NFASC: variants seen among roughly 807,000 people sequenced by gnomAD.
NFASC encodes neurofascin, also known as neurofascin homolog.
A neutral mutation model predicts 147.5 loss-of-function variants in NFASC; 43 were observed. The observed-to-expected ratio is 0.29, with a 90% CI of 0.23 to 0.38. The LOEUF (loss-of-function observed/expected upper bound fraction) is 0.38. NFASC is among the 10% of genes least tolerant of loss of function. NFASC has a pLI of 1.00. For synonymous variants in NFASC, 622 were observed against 665.5 expected (o/e 0.93, Z 1.01); for missense variants, 1,320 against 1,689.0 (o/e 0.78, Z 3.83).
intron 1 of NFASC, among the ~76,000 whole-genome samples, chr1:204,871,235 C>T (rs2077629294): frequency 6.6e-6 from 1 of 152,146 alleles, no homozygotes; most frequent in Admixed American, 6.5e-5. Flanking sequence ...TCTTCCCGGC[C>T]CAGGGAGTGG....
At chr1:204,922,297 G>A (rs1041499824) in intron 2 of NFASC, among the ~76,000 whole-genome samples, 30 of 152,072 alleles carry the variant, frequency 2.0e-4, no homozygotes, top group Non-Finnish European at 3.5e-4. Flanking sequence ...AACCCCGGGG[G>A]CTGGCTTCTC....
intron 1 of NFASC, among the ~76,000 whole-genome samples, chr1:204,900,853 TC>T (rs2084413974): frequency 6.6e-6 from 1 of 152,130 alleles, no homozygotes; most frequent in Non-Finnish European, 1.5e-5. Flanking sequence ...GTTTTTTTTT[TC>T]AAAGTGGAAA....
intron 1 of NFASC, among the ~76,000 whole-genome samples, chr1:204,842,673 T>G (rs1486543003): frequency 6.6e-6 from 1 of 152,238 alleles, no homozygotes; most frequent in East Asian, 1.9e-4. Context: ...ATCTTTTTAT[T>G]CCCACTGACC....
At chr1:204,955,049 T>G in intron 7 of NFASC, 98 bp downstream of exon 7, 1 of 1,468,178 alleles carries the variant, frequency 6.8e-7, no homozygotes, top group Non-Finnish European at 9.3e-7. Flanking sequence ...TAGAAGGCCT[T>G]GATTTGTGAG....
intron 1 of NFASC, among the ~76,000 whole-genome samples, chr1:204,878,534 T>G (rs1327530352): frequency 6.6e-6 from 1 of 152,250 alleles, no homozygotes; most frequent in Non-Finnish European, 1.5e-5. Flanking sequence ...CCTTGGGCTT[T>G]CTTGCCCTAG....
At chr1:204,912,940 G>A (rs763763275) in intron 1 of NFASC, among the ~76,000 whole-genome samples, 1 of 151,964 alleles carries the variant, frequency 6.6e-6, no homozygotes, top group Non-Finnish European at 1.5e-5. Context: ...AGATGGAAGG[G>A]TCACTTGAGC....
At chr1:204,947,258 C>G (rs2093807952) in intron 3 of NFASC, 1 of 186,126 alleles carries the variant, frequency 5.4e-6, no homozygotes, top group Non-Finnish European at 1.1e-5. Flanking sequence ...CAGAGAGGCC[C>G]CCGGCTGCCC....
chr1:204,936,825 CCTT>C (rs2092892720), intron 2 of NFASC, among the ~76,000 whole-genome samples: 1 of 152,252 alleles, frequency 6.6e-6, no homozygotes, highest in Admixed American at 6.5e-5. Context: ...GCTTCAGGCT[CCTT>C]CTTTTGGCCT....
intron 1 of NFASC, among the ~76,000 whole-genome samples, chr1:204,854,462 G>A (rs965361879): frequency 1.3e-5 from 2 of 152,104 alleles, no homozygotes; most frequent in Admixed American, 1.3e-4. Context: ...CCCAGCAGAT[G>A]CTGCAGTTTG....
intron 2 of NFASC, among the ~76,000 whole-genome samples, chr1:204,937,635 C>T (rs868249278): frequency 1.3e-5 from 2 of 152,244 alleles, no homozygotes; most frequent in African/African-American, 4.8e-5. Context: ...TAGCTCACTT[C>T]TTTTGGGCAC....
intron 19 of NFASC, among the ~76,000 whole-genome samples, chr1:204,980,037 T>A (rs2095481756): frequency 6.6e-6 from 1 of 152,198 alleles, no homozygotes. Flanking sequence ...CAGTCTGGTA[T>A]GAAACACATT....
Position 204,976,585 on chromosome 1 carries a change from G to A in NFASC, c.1707-86G>A, listed in dbSNP as rs935571261. 9 of 1,018,472 alleles carry A rather than the reference G, an allele frequency of 8.8e-6. No homozygotes were observed. The East Asian group carries it at 1.5e-4, about 17-fold the overall frequency. 63.1% of individuals were successfully genotyped at this position (1,018,472 alleles called of 1,614,324 possible). ...GGAGCTTCCCTTGCCCTCCTGACTC[G>A]AGAACCCCCTCTAGGGAGAAAGCAA... On this transcript the variant is annotated intron_variant, in intron 15 of 29. Coordinates refer to ENST00000339876, the MANE Select transcript of NFASC (RefSeq NM_001005388.3).
At chr1:204,924,598 C>T (rs946017922) in intron 2 of NFASC, among the ~76,000 whole-genome samples, 2 of 152,128 alleles carry the variant, frequency 1.3e-5, no homozygotes, top group African/African-American at 4.8e-5. Flanking sequence ...GAGAGGGGAG[C>T]CCAGAGGGGA....
Position 204,979,640 on chromosome 1 carries a change from T to C in NFASC, c.2176+81T>C, listed in dbSNP as rs1234782327. 8 of 1,357,210 alleles carry C rather than the reference T, an allele frequency of 5.9e-6. No homozygotes were observed. Among genetic ancestry groups the C allele is most frequent in the African/African-American group, 1.4e-5 (1 of 69,602 alleles). The allele number at this position is 1,357,210 out of a possible 1,614,324, so 84.1% of individuals were successfully genotyped here. On this transcript the variant is annotated intron_variant, in intron 19 of 29. Coordinates refer to ENST00000339876, the MANE Select transcript of NFASC (RefSeq NM_001005388.3). This position sits in a 1 kb window ranked among gnomAD's most constrained non-coding sequence, Gnocchi z 6.0. ...ACTGAGATCCCCCCATTCCCAGCCA[T>C]GTGAACTTAGGTTACTTAACTTCTC...
intron 1 of NFASC, among the ~76,000 whole-genome samples, chr1:204,916,938 T>C (rs1201052245): frequency 6.6e-6 from 1 of 152,164 alleles, no homozygotes; most frequent in Non-Finnish European, 1.5e-5. Context: ...TATATCAGGC[T>C]GGGCACGGTG....
intron 27 of NFASC, among the ~76,000 whole-genome samples, chr1:205,004,655 G>A (rs2096068275): frequency 6.6e-6 from 1 of 152,210 alleles, no homozygotes; most frequent in Non-Finnish European, 1.5e-5. Flanking sequence ...TCTCTTTCCT[G>A]TGGATGGACT....
intron 10 of NFASC, among the ~76,000 whole-genome samples, chr1:204,970,287 C>T (rs2095185529): frequency 1.3e-5 from 2 of 152,162 alleles, no homozygotes; most frequent in Admixed American, 6.5e-5. Flanking sequence ...GCCACCCAGG[C>T]CTCCTGTGAG....
chr1:204,976,920 A>T, intron 16 of NFASC, 125 bp downstream of exon 16: 1 of 1,472,414 alleles, frequency 6.8e-7, no homozygotes, highest in Non-Finnish European at 9.0e-7. Context: ...AGGCGTGGTG[A>T]TCTCTTCTTG....
chr1:204,951,298 A>G (rs1443366961), intron 4 of NFASC, among the ~76,000 whole-genome samples: 2 of 136,320 alleles, frequency 1.5e-5, no homozygotes, highest in African/African-American at 5.6e-5. Flanking sequence ...ATAGGTGCTC[A>G]CCACCATGCC....
Sources: allele counts gnomAD v4.1 joint callset (sites outside exome capture counted in the v4.1 genomes callset), GRCh38; gene constraint gnomAD v4.1.1; non-coding constraint Gnocchi (gnomAD v3.1); transcripts MANE v1.5; gene names NCBI Gene and HGNC (gene_info 2026-07-23, HGNC 2026-07-21).